The following TMEM135 variants were observed in gnomAD, a reference collection of about 807,000 sequenced individuals.
The protein encoded by TMEM135 is peroxisomal membrane protein 52.
A neutral mutation model predicts 60.3 loss-of-function variants in TMEM135; 30 were observed. The ratio of observed to expected loss-of-function variants is 0.50; its 90% CI spans 0.37 to 0.68. TMEM135 has a LOEUF of 0.68. TMEM135 is among the 30% of genes least tolerant of loss of function. The pLI is 0.00. For synonymous variants in TMEM135, 190 were observed against 186.7 expected, an observed-to-expected ratio of 1.02 and a Z score of -0.14; for missense variants, 468 against 548.8, an observed-to-expected ratio of 0.85 and a Z score of 1.47.
At chr11:87,080,602 T>C (rs974974428) in intron 3 of TMEM135, among the ~76,000 whole-genome samples, 2 of 152,232 alleles carry the variant, frequency 1.3e-5, no homozygotes, top group African/African-American at 4.8e-5. Context: ...CATGATGTCA[T>C]GATGAATTGA....
At chr11:87,124,535 GT>G (rs894575434) in intron 4 of TMEM135, among the ~76,000 whole-genome samples, 11 of 151,994 alleles carry the variant, frequency 7.2e-5, no homozygotes, top group African/African-American at 1.2e-4. Flanking sequence ...GCATAACTCA[GT>G]TTTTTTTCAA....
chr11:87,261,388 A>G (rs1362911094), intron 6 of TMEM135, among the ~76,000 whole-genome samples: 2 of 152,226 alleles, frequency 1.3e-5, no homozygotes, highest in African/African-American at 4.8e-5. Context: ...ATGAATTGAT[A>G]AAATAGAGAC....
intron 6 of TMEM135, among the ~76,000 whole-genome samples, chr11:87,274,573 G>C (rs1002080279): frequency 3.3e-5 from 5 of 152,042 alleles, no homozygotes; most frequent in African/African-American, 1.2e-4. Context: ...CTGACTCAAG[G>C]ATACAATACT....
intron 1 of TMEM135, among the ~76,000 whole-genome samples, chr11:87,061,475 A>G (rs1008980310): frequency 8.5e-5 from 13 of 152,258 alleles, no homozygotes; most frequent in African/African-American, 2.9e-4. Flanking sequence ...GATTACTTTA[A>G]GAAAGATTAA....
intron 5 of TMEM135, among the ~76,000 whole-genome samples, chr11:87,172,777 G>C (rs1284133969): frequency 6.6e-6 from 1 of 151,360 alleles, no homozygotes; most frequent in East Asian, 1.9e-4. Flanking sequence ...TATAAATATT[G>C]GTGTTATTTT....
chr11:87,124,394 T>C (rs1243448173), intron 4 of TMEM135, among the ~76,000 whole-genome samples: 5 of 152,146 alleles, frequency 3.3e-5, no homozygotes, highest in Non-Finnish European at 5.9e-5. Context: ...TTTAATTCTT[T>C]AGAGGGAGAA....
At position 87,295,838 on chromosome 11, in the gene TMEM135, T is replaced by C. The variant is rs778992161; in HGVS notation, c.551+15T>C. On this transcript the variant is annotated intron_variant, in intron 7 of 14. Transcript: ENST00000305494. ...TCTGCACTTAGGTAAGAAACATTTA[T>C]TTTTATGTTGAGAGAGAATTTACAA... 6.3e-7 allele frequency: 1 copy of C among 1,598,038 alleles called. No individual in the cohort carries two copies. Among genetic ancestry groups the C allele is most frequent in the East Asian group, 2.2e-5 (1 of 44,610 alleles).
intron 5 of TMEM135, among the ~76,000 whole-genome samples, chr11:87,193,348 G>A (rs1414989955): frequency 2.0e-5 from 3 of 152,074 alleles, no homozygotes; most frequent in Non-Finnish European, 4.4e-5. Flanking sequence ...TTAATCTAGA[G>A]TTTTCATATA....
chr11:87,210,710 AG>A (rs960215756), intron 5 of TMEM135, among the ~76,000 whole-genome samples: 2 of 152,168 alleles, frequency 1.3e-5, no homozygotes, highest in African/African-American at 4.8e-5. Context: ...GGAAAACTTA[AG>A]GCCAATATCC....
intron 5 of TMEM135, among the ~76,000 whole-genome samples, chr11:87,196,114 C>T (rs928260797): frequency 6.6e-6 from 1 of 151,946 alleles, no homozygotes; most frequent in East Asian, 1.9e-4. Flanking sequence ...GAAAACAAAC[C>T]AGTTTTTAAA....
In TMEM135 at chr11:87,165,691, A is replaced by G. The variant is rs1168870719; in HGVS notation, c.462+8285A>G. 5.9e-5 allele frequency among the ~76,000 whole-genome samples: 9 copies of G among 151,714 alleles called. No individual in the cohort carries two copies. The East Asian group carries it at 1.4e-3, about 23-fold the overall frequency. On this transcript the variant is annotated intron_variant, in intron 5 of 14. Coordinates refer to ENST00000305494, the MANE Select transcript of TMEM135 (RefSeq NM_022918.4). ...GTCCTGGACTCTTTACTAGAAAAGC[A>G]AGAGCAAATACATTCAAAAGCTAGC...
chr11:87,241,564 AGTC>A (rs760655619), intron 6 of TMEM135, among the ~76,000 whole-genome samples: 1 of 152,094 alleles, frequency 6.6e-6, no homozygotes, highest in Non-Finnish European at 1.5e-5. Flanking sequence ...TGTTGACTGT[AGTC>A]ACCCTGTTGT....
At chr11:87,038,652 C>T (rs1361526042) in intron 1 of TMEM135, among the ~76,000 whole-genome samples, 1 of 140,374 alleles carries the variant, frequency 7.1e-6, no homozygotes, top group Non-Finnish European at 1.5e-5. Flanking sequence ...ATATTTGGCC[C>T]TAAGTCCCTG....
intron 5 of TMEM135, among the ~76,000 whole-genome samples, chr11:87,161,557 C>T (rs909857069): frequency 2.0e-5 from 3 of 152,050 alleles, no homozygotes; most frequent in African/African-American, 7.2e-5. Flanking sequence ...CAATTCTTTA[C>T]CATAGGAAGG....
chr11:87,041,909 T>C (rs958062213), intron 1 of TMEM135, among the ~76,000 whole-genome samples: 1 of 152,230 alleles, frequency 6.6e-6, no homozygotes, highest in African/African-American at 2.4e-5. Flanking sequence ...TTTATACTTC[T>C]AGGTTGTCAA....
chr11:87,135,375 G>T (rs1213812862), intron 4 of TMEM135, among the ~76,000 whole-genome samples: 1 of 151,832 alleles, frequency 6.6e-6, no homozygotes, highest in Non-Finnish European at 1.5e-5. Flanking sequence ...TTAACTCTAT[G>T]ATACAGTTTG....
chr11:87,306,320 T>C (rs1054936051), intron 9 of TMEM135, among the ~76,000 whole-genome samples: 4 of 152,240 alleles, frequency 2.6e-5, no homozygotes, highest in Non-Finnish European at 4.4e-5. Flanking sequence ...TACTTTGTAA[T>C]GTATCCTCAT....
chr11:87,056,982 A>G (rs143287755), intron 1 of TMEM135, among the ~76,000 whole-genome samples: 11 of 152,330 alleles, frequency 7.2e-5, no homozygotes, highest in African/African-American at 2.4e-4. Flanking sequence ...AGGGTATGAA[A>G]GAGTGTTTTG....
intron 5 of TMEM135, among the ~76,000 whole-genome samples, chr11:87,192,250 A>G (rs1939825930): frequency 6.6e-6 from 1 of 151,660 alleles, no homozygotes; most frequent in Admixed American, 6.6e-5. Flanking sequence ...TGGCCTCCCA[A>G]AGTGCTGGGA....
Sources: gnomAD v4.1 joint callset for allele counts (sites outside exome capture counted in the v4.1 genomes callset) on GRCh38, gnomAD v4.1.1 for gene constraint, MANE v1.5 for transcripts, NCBI Gene and HGNC (gene_info 2026-07-23, HGNC 2026-07-21) for gene names.